Variants in EME2 observed in about 807,000 individuals in gnomAD.
The protein encoded by EME2 is essential meiotic structure-specific endonuclease subunit 2.
Under a neutral mutation model 41.9 loss-of-function variants are expected in EME2, and 58 were observed. The ratio of observed to expected loss-of-function variants is 1.38; its 90% CI spans 1.12 to 1.72. The LOEUF (loss-of-function observed/expected upper bound fraction) is 1.72. EME2 is among the 40% of genes most tolerant of loss of function. The pLI is 0.00. For missense variants in EME2, 695 were observed against 541.9 expected (o/e 1.28, Z -2.81); for synonymous variants, 334 against 239.3 (o/e 1.40, Z -3.65).
chr16:1,776,130 G>T lies in EME2; in HGVS notation c.1032G>T (p.Pro344=). 1 of 1,612,072 alleles carries T rather than the reference G, an allele frequency of 6.2e-7. No individual in the cohort carries two copies. The highest frequency in any genetic ancestry group is 8.5e-7 in the Non-Finnish European group (1 of 1,179,838). ...GCCTCCTGGCCGACCTTCCTGTGCC[G>T]CCCAGTGAAGGCGGGCGTCCCCGCA... ...RMGLLADLPV[P]PSEGGRPRRV... The change falls in exon 8 of 8, where the codon CCG becomes CCT. Residue 344 remains proline, a synonymous_variant. Coordinates refer to ENST00000568449, the MANE Select transcript of EME2 (RefSeq NM_001257370.2).
At position 1,780,649 on chromosome 16, in the gene EME2, C is replaced by G. The variant is rs1460437556; in HGVS notation, c.*4411C>G. On this transcript the variant is annotated 3_prime_UTR_variant, in exon 8 of 8. Transcript: ENST00000568449. ...TGTGAACAAAGAGTATGCGTTTGTA[C>G]TGGCAGAAGAAGCGTCTGGTAAGAC... The G allele has an allele frequency of 6.2e-6, 1 of 160,258 alleles. No homozygotes were observed. Among genetic ancestry groups the G allele is most frequent in the Non-Finnish European group, 1.4e-5 (1 of 72,166 alleles). The allele number at this position is 160,258 out of a possible 1,614,324, so 9.9% of individuals were successfully genotyped here. A position where few individuals can be genotyped will look rare whatever the true frequency, so the allele number is the denominator to read the frequency against.
At position 1,776,170 on chromosome 16, in the gene EME2, C is replaced by G. The variant is rs1490041067; in HGVS notation, c.1072C>G (p.Leu358Val). The change falls in exon 8 of 8, where the codon CTC (leucine) becomes GTC (valine). Residue 358 changes from leucine to valine, a missense_variant. Transcript: ENST00000568449. ...GGRPRRVGPDLSRRICLFLTT... is the reference protein window; with the variant it reads ...GGRPRRVGPDVSRRICLFLTT... ...GCGTCCCCGCAGGGTGGGGCCTGAC[C>G]TCTCCCGCCGCATCTGCCTCTTCCT... The G allele has an allele frequency of 6.2e-7, 1 of 1,612,436 alleles. No individual in the cohort carries two copies. Among genetic ancestry groups the G allele is most frequent in the Non-Finnish European group, 8.5e-7 (1 of 1,179,976 alleles).
chr16:1,781,211 G>C lies in EME2; in HGVS notation c.*4973G>C. The C allele has an allele frequency of 3.2e-6, 5 of 1,569,838 alleles. No individual in the cohort carries two copies. In the African/African-American group the frequency reaches 4.0e-5, roughly 13 times the overall value. On this transcript the variant is annotated 3_prime_UTR_variant, in exon 8 of 8. Coordinates refer to ENST00000568449, the MANE Select transcript of EME2 (RefSeq NM_001257370.2). The stretch of plus-strand genomic sequence containing the variant: ...GTCTTACTGAATGCGGTGCATCCAG[G>C]AGACAGGCCCAGGTTTGGACTGGTC...
rs558395744 is a variant in EME2 at position 1,777,703 on chromosome 16, C to G, written c.*1465C>G. The G allele has an allele frequency of 6.2e-7, 1 of 1,602,398 alleles. No individual in the cohort carries two copies. Among genetic ancestry groups the G allele is most frequent in the South Asian group, 1.1e-5 (1 of 90,414 alleles). On this transcript the variant is annotated 3_prime_UTR_variant, in exon 8 of 8. Coordinates refer to ENST00000568449, the MANE Select transcript of EME2 (RefSeq NM_001257370.2). ...GCTGGGGCGGGGTGGCTGCCTCCCT[C>G]GGGGTGACAGCTGAGAGGAGCTCAA...
In EME2 at chr16:1,775,969, C is replaced by A. The variant is rs1398440531; in HGVS notation, c.952C>A (p.Pro318Thr). Residue 318 changes from proline (P) to threonine (T), a missense_variant, in exon 7 of 8, where the codon CCC (proline) becomes ACC (threonine). Coordinates refer to ENST00000568449, the MANE Select transcript of EME2 (RefSeq NM_001257370.2). ...ADAVVTAFPS[P>T]RLLQQALEAC... ...TGCAGTTGTCACAGCCTTCCCCTCC[C>A]CCCGCCTTCTGCAGCAGGTGGGCCC... is the stretch of plus-strand genomic sequence containing the variant. 5.6e-6 allele frequency: 9 copies of A among 1,609,514 alleles called. No individual in the cohort carries two copies. The highest frequency in any genetic ancestry group is 2.2e-5 in the South Asian group (2 of 90,960).
At position 1,775,748 on chromosome 16, in the gene EME2, T is replaced by C. The variant is rs370123687; in HGVS notation, c.780-49T>C. ...CAAGGTAGTGGTGCCTCCCCGGCCT[T>C]TTGGGAGCTGCTCACATGAGGTTCT... is the stretch of plus-strand genomic sequence containing the variant. On this transcript the variant is annotated intron_variant, in intron 6 of 7. Transcript: ENST00000568449. 2.5e-5 allele frequency: 41 copies of C among 1,612,202 alleles called. No homozygotes were observed. The African/African-American group carries it at 5.1e-4, about 20-fold the overall frequency.
In EME2 at chr16:1,775,339, G is replaced by C; in HGVS notation, c.594G>C (p.Gly198=). 6.2e-7 allele frequency: 1 copy of C among 1,610,890 alleles called. No homozygotes were observed. Among genetic ancestry groups the C allele is most frequent in the East Asian group, 2.2e-5 (1 of 44,882 alleles). The change falls in exon 5 of 8, where the codon GGG becomes GGC. Residue 198 remains glycine, a synonymous_variant. Transcript: ENST00000568449. The part of the protein sequence containing the change: ...YLWSRQHVSR[G]TQQPESPKVA... ...GGTCTCGCCAGCACGTTTCCCGGGGGACACAGCAGCCAGAGAGCCCGAAGG... is the reference window on the plus strand; with the variant it reads ...GGTCTCGCCAGCACGTTTCCCGGGGCACACAGCAGCCAGAGAGCCCGAAGG...
Position 1,776,770 on chromosome 16 carries a change from C to T in EME2, c.*532C>T, listed in dbSNP as rs901742009. 2.7e-5 allele frequency: 12 copies of T among 438,246 alleles called. No homozygotes were observed. Among genetic ancestry groups the T allele is most frequent in the African/African-American group, 4.0e-5 (2 of 50,094 alleles). 27.1% of individuals were successfully genotyped at this position (438,246 alleles called of 1,614,324 possible). A position where few individuals can be genotyped will look rare whatever the true frequency, so the allele number is the denominator to read the frequency against. On this transcript the variant is annotated 3_prime_UTR_variant, in exon 8 of 8. Coordinates refer to ENST00000568449, the MANE Select transcript of EME2 (RefSeq NM_001257370.2). ...GTCCTTTAAGTCTATGACGGCGGGGCAGCCGCTGACAGCATGCAGAGCAAG... is the reference window on the plus strand; with the variant it reads ...GTCCTTTAAGTCTATGACGGCGGGGTAGCCGCTGACAGCATGCAGAGCAAG...
At chr16:1,776,011 C>G (rs1596850914) in intron 7 of EME2, 25 bp downstream of exon 7, 1 of 1,606,600 alleles carries the variant, frequency 6.2e-7, no homozygotes, top group East Asian at 2.2e-5. Context: ...CCTCCAAGCC[C>G]TCCAGGTGCA....
chr16:1,778,968 C>T lies in EME2; in HGVS notation c.*2730C>T. Reference sequence around the variant, plus strand: ...TGCTAGGCCAGCCCTGCAGGGGCCCCCAGGCAAGGCCACCACCCCCACACC... The same window carrying T: ...TGCTAGGCCAGCCCTGCAGGGGCCCTCAGGCAAGGCCACCACCCCCACACC... On this transcript the variant is annotated 3_prime_UTR_variant, in exon 8 of 8. Coordinates refer to ENST00000568449, the MANE Select transcript of EME2 (RefSeq NM_001257370.2). 1 of 204,034 alleles carries T rather than the reference C, an allele frequency of 4.9e-6. No homozygotes were observed. The highest frequency in any genetic ancestry group is 1.2e-4 in the East Asian group (1 of 8,492). 12.6% of individuals were successfully genotyped at this position (204,034 alleles called of 1,614,324 possible).
Position 1,777,267 on chromosome 16 carries a change from G to C in EME2, c.*1029G>C, listed in dbSNP as rs1382345367. On this transcript the variant is annotated 3_prime_UTR_variant, in exon 8 of 8. Coordinates refer to ENST00000568449, the MANE Select transcript of EME2 (RefSeq NM_001257370.2). ...ACCTGCTTGAGGCCCGGCGGCAGCGGCAGACCCTCCAGCGTGTCTCCCGAG... is the reference window on the plus strand; with the variant it reads ...ACCTGCTTGAGGCCCGGCGGCAGCGCCAGACCCTCCAGCGTGTCTCCCGAG... 1.2e-6 allele frequency: 2 copies of C among 1,610,356 alleles called. No individual in the cohort carries two copies. Among genetic ancestry groups the C allele is most frequent in the South Asian group, 2.2e-5 (2 of 91,086 alleles).
chr16:1,774,011 T>C (rs2042672117), intron 2 of EME2, among the ~76,000 whole-genome samples, 170 bp downstream of exon 2: 1 of 152,188 alleles, frequency 6.6e-6, no homozygotes, highest in Non-Finnish European at 1.5e-5. Flanking sequence ...GTTCTGCTGG[T>C]ATAGAGCCGA....
At position 1,781,471 on chromosome 16, in the gene EME2, G is replaced by T. The variant is rs1482116543; in HGVS notation, c.*5233G>T. ...AAGTGCCAGGCCCTGCTGTTCCGGGGGCGTCTGGCCATGGTGGAAAGAATC... is the reference window on the plus strand; with the variant it reads ...AAGTGCCAGGCCCTGCTGTTCCGGGTGCGTCTGGCCATGGTGGAAAGAATC... On this transcript the variant is annotated 3_prime_UTR_variant, in exon 8 of 8. Coordinates refer to ENST00000568449, the MANE Select transcript of EME2 (RefSeq NM_001257370.2). The T allele has an allele frequency of 1.9e-6, 3 of 1,612,428 alleles. No homozygotes were observed. Among genetic ancestry groups the T allele is most frequent in the Non-Finnish European group, 2.5e-6 (3 of 1,179,888 alleles).
chr16:1,778,381 A>G lies in EME2; in HGVS notation c.*2143A>G. On this transcript the variant is annotated 3_prime_UTR_variant, in exon 8 of 8. Coordinates refer to ENST00000568449, the MANE Select transcript of EME2 (RefSeq NM_001257370.2). ...AGCTCCATGGGGCTCTGCCCTGCCC[A>G]CCCCCAGGCCCGCCCGCAGTGCAGT... 1.2e-6 allele frequency: 2 copies of G among 1,606,818 alleles called. No individual in the cohort carries two copies. The highest frequency in any genetic ancestry group is 1.7e-6 in the Non-Finnish European group (2 of 1,177,468).
chr16:1,778,598 G>A lies in EME2; in HGVS notation c.*2360G>A, dbSNP rs2042749835. ...GCAGCGTGGAGTACTCGGGGTCGGA[G>A]TCCGAGTCGCTGTGCTGGGAGAGAA... On this transcript the variant is annotated 3_prime_UTR_variant, in exon 8 of 8. Coordinates refer to ENST00000568449, the MANE Select transcript of EME2 (RefSeq NM_001257370.2). 6.4e-7 allele frequency: 1 copy of A among 1,565,636 alleles called. No homozygotes were observed. The highest frequency in any genetic ancestry group is 8.7e-7 in the Non-Finnish European group (1 of 1,152,800).
chr16:1,781,565 G>A lies in EME2; in HGVS notation c.*5327G>A. On this transcript the variant is annotated 3_prime_UTR_variant, in exon 8 of 8. Coordinates refer to ENST00000568449, the MANE Select transcript of EME2 (RefSeq NM_001257370.2). ...TCCCAGCCCTGAGCTTCCAGGCTGG[G>A]CCACGGACCCACTCAAAGTGGGGAC... 6.5e-7 allele frequency: 1 copy of A among 1,532,584 alleles called. No individual in the cohort carries two copies. Among genetic ancestry groups the A allele is most frequent in the Non-Finnish European group, 8.8e-7 (1 of 1,134,332 alleles). 94.9% of individuals were successfully genotyped at this position (1,532,584 alleles called of 1,614,324 possible). A position where few individuals can be genotyped will look rare whatever the true frequency, so the allele number is the denominator to read the frequency against.
In EME2 at chr16:1,776,381, T is replaced by A; in HGVS notation, c.*143T>A. 1.5e-6 allele frequency: 1 copy of A among 680,542 alleles called. No homozygotes were observed. The highest frequency in any genetic ancestry group is 1.9e-5 in the African/African-American group (1 of 53,836). 42.2% of individuals were successfully genotyped at this position (680,542 alleles called of 1,614,324 possible). A position where few individuals can be genotyped will look rare whatever the true frequency, so the allele number is the denominator to read the frequency against. ...AGCAGGTCTGACCTCAGGGGAAGGG[T>A]GGGTGGTTGCAGGGGAAGTTTTAGG... On this transcript the variant is annotated 3_prime_UTR_variant, in exon 8 of 8. Coordinates refer to ENST00000568449, the MANE Select transcript of EME2 (RefSeq NM_001257370.2).
chr16:1,781,532 C>A lies in EME2; in HGVS notation c.*5294C>A. 1 of 1,595,294 alleles carries A rather than the reference C, an allele frequency of 6.3e-7. No individual in the cohort carries two copies. The highest frequency in any genetic ancestry group is 1.1e-5 in the South Asian group (1 of 89,234). ...CACAGGCTCTGGGCAAAGGAAGACT[C>A]ACAGCACTCCCAGCCCTGAGCTTCC... On this transcript the variant is annotated 3_prime_UTR_variant, in exon 8 of 8. Transcript: ENST00000568449.
rs992636415 is a variant in EME2 at position 1,779,378 on chromosome 16, C to T, written c.*3140C>T. The T allele has an allele frequency of 1.3e-5, 2 of 152,640 alleles. No homozygotes were observed. Among genetic ancestry groups the T allele is most frequent in the Non-Finnish European group, 2.9e-5 (2 of 68,384 alleles). The allele number at this position is 152,640 out of a possible 1,614,324, so 9.5% of individuals were successfully genotyped here. A position where few individuals can be genotyped will look rare whatever the true frequency, so the allele number is the denominator to read the frequency against. ...AGAGTGCTAAGTGGTGGCGGGGGGC[C>T]TGTGGCAGAGGCCTTGTGACAGTGA... On this transcript the variant is annotated 3_prime_UTR_variant, in exon 8 of 8. Transcript: ENST00000568449.
Sources: gnomAD v4.1 joint callset for allele counts (sites outside exome capture counted in the v4.1 genomes callset) on GRCh38, gnomAD v4.1.1 for gene constraint, MANE v1.5 for transcripts, NCBI Gene and HGNC (gene_info 2026-07-23, HGNC 2026-07-21) for gene names.